The following SPON2 variants were observed in gnomAD, a reference collection of about 807,000 sequenced individuals.
SPON2 encodes spondin 2, also known as spondin-2.
SPON2 carries 32 observed loss-of-function variants against 29.9 expected under a neutral mutation model. That is an observed-to-expected ratio of 1.07 (90% confidence interval 0.81 to 1.44). The LOEUF is 1.44. SPON2 is among the 40% of genes most tolerant of loss of function. The pLI, the probability that SPON2 is intolerant of heterozygous loss-of-function variation, is 0.00. For missense variants in SPON2, 541 were observed against 455.5 expected (o/e 1.19, Z -1.71); for synonymous variants, 248 against 209.1 (o/e 1.19, Z -1.61).
intron 1 of SPON2, among the ~76,000 whole-genome samples, chr4:1,206,176 C>A (rs1728336766): frequency 6.6e-6 from 1 of 152,162 alleles, no homozygotes; most frequent in Admixed American, 6.5e-5. Context: ...CAGGAGGATG[C>A]CCCCCTCCCT....
intron 1 of SPON2, among the ~76,000 whole-genome samples, chr4:1,185,992 C>G (rs941124666): frequency 9.9e-5 from 15 of 151,634 alleles, no homozygotes; most frequent in Admixed American, 6.6e-5. Flanking sequence ...CGCCTGTAAT[C>G]CCAGCACTTT....
chr4:1,168,375 G>A (rs1244775722), intron 5 of SPON2, among the ~76,000 whole-genome samples: 1 of 152,212 alleles, frequency 6.6e-6, no homozygotes, highest in Non-Finnish European at 1.5e-5. Flanking sequence ...CAAGGGCTCG[G>A]CTCTCCTCAC....
intron 1 of SPON2, among the ~76,000 whole-genome samples, chr4:1,184,322 T>G (rs1255063596): frequency 2.0e-5 from 3 of 152,222 alleles, no homozygotes; most frequent in Non-Finnish European, 4.4e-5. Flanking sequence ...AGACAGAGAT[T>G]GGCAGAATGA....
intron 1 of SPON2, among the ~76,000 whole-genome samples, chr4:1,184,365 A>G (rs1727753570): frequency 6.6e-6 from 1 of 152,218 alleles, no homozygotes; most frequent in African/African-American, 2.4e-5. Context: ...AATGCTGTCT[A>G]CAAAAATCTT....
rs1727290634 is a variant in SPON2, at chr4:1,167,671, GGGGA to G, written c.812-19_812-16del. 6.4e-7 allele frequency: 1 copy of G among 1,571,318 alleles called. No homozygotes were observed. The highest frequency in any genetic ancestry group is 1.4e-5 in the African/African-American group (1 of 73,762). On this transcript the variant is annotated splice_polypyrimidine_tract_variant and intron_variant, in intron 5 of 5. Transcript: ENST00000290902. The stretch of plus-strand genomic sequence containing the variant: ...CGTTTCTGGAACTGGACCAAGCAAA[GGGGA>G]GACCGAGGTGAACGCTCGCGTGAAG...
chr4:1,189,510 G>A (rs180865267), intron 1 of SPON2, among the ~76,000 whole-genome samples: 65 of 151,634 alleles, frequency 4.3e-4, no homozygotes, highest in African/African-American at 1.3e-3. Flanking sequence ...AAAAATAGCT[G>A]GGTGTGGTGG....
At chr4:1,173,224 G>T (rs1018392732), upstream of SPON2, 5 of 152,624 alleles carry the variant, frequency 3.3e-5, no homozygotes, top group African/African-American at 1.2e-4. Context: ...TGGCCTTTGG[G>T]GCCCTGGCTT....
At chr4:1,175,636 G>C (rs1169683156), upstream of SPON2, among the ~76,000 whole-genome samples, 11 of 151,676 alleles carry the variant, frequency 7.3e-5, no homozygotes, top group Non-Finnish European at 2.9e-5. Flanking sequence ...CTCCAGCTAG[G>C]ATGTGGGTGG....
chr4:1,195,750 C>T (rs984457583), upstream of SPON2, among the ~76,000 whole-genome samples: 1 of 151,610 alleles, frequency 6.6e-6, no homozygotes. Context: ...GATGCCCACA[C>T]CTCAGCCTCC....
chr4:1,176,582 A>G (rs1367425366), upstream of SPON2, among the ~76,000 whole-genome samples: 2 of 112,552 alleles, frequency 1.8e-5, no homozygotes, highest in East Asian at 3.9e-4. Context: ...GCATCCATTC[A>G]CACAGTACAT....
Position 1,167,662 on chromosome 4 carries a change from C to G in SPON2, c.812-6G>C. The G allele has an allele frequency of 5.6e-6, 9 of 1,594,696 alleles. No individual in the cohort carries two copies. The highest frequency in any genetic ancestry group is 6.8e-6 in the Non-Finnish European group (8 of 1,168,786). On this transcript the variant is annotated splice_polypyrimidine_tract_variant and splice_region_variant and intron_variant, in intron 5 of 5. Coordinates refer to ENST00000290902, the MANE Select transcript of SPON2 (RefSeq NM_012445.4). ...GTCCAGCGGCGTTTCTGGAACTGGA[C>G]CAAGCAAAGGGGAGACCGAGGTGAA...
chr4:1,167,553 G>T lies in SPON2; in HGVS notation c.915C>A (p.Val305=). Reference sequence around the variant, plus strand: ...TCCCGTTGTTGGCGGGCTGGACCCGGACGTAGCGAGTCCTGCTCTTGGTCC... The same window carrying T: ...TCCCGTTGTTGGCGGGCTGGACCCGTACGTAGCGAGTCCTGCTCTTGGTCC... The part of the protein sequence containing the change: ...RLGTKSRTRY[V]RVQPANNGSP... Residue 305 remains valine, a synonymous_variant, in exon 6 of 6, where the codon GTC becomes GTA. Coordinates refer to ENST00000290902, the MANE Select transcript of SPON2 (RefSeq NM_012445.4). 6.2e-7 allele frequency: 1 copy of T among 1,613,630 alleles called. No homozygotes were observed. The highest frequency in any genetic ancestry group is 8.5e-7 in the Non-Finnish European group (1 of 1,180,004).
chr4:1,183,201 C>G (rs1727730183), intron 1 of SPON2, among the ~76,000 whole-genome samples: 1 of 141,602 alleles, frequency 7.1e-6, no homozygotes, highest in Non-Finnish European at 1.5e-5. Context: ...GAGATCGCAC[C>G]ACTGCACTCC....
At chr4:1,183,209 T>C (rs1224767771) in intron 1 of SPON2, among the ~76,000 whole-genome samples, 1 of 132,722 alleles carries the variant, frequency 7.5e-6, no homozygotes, top group Non-Finnish European at 1.5e-5. Flanking sequence ...ACCACTGCAC[T>C]CCAACCTGGG....
chr4:1,195,789 A>G (rs1383940954), upstream of SPON2, among the ~76,000 whole-genome samples: 2 of 150,424 alleles, frequency 1.3e-5, no homozygotes, highest in Non-Finnish European at 3.0e-5. Context: ...GGTGTGCACT[A>G]CCACACCCAG....
At chr4:1,183,240 C>CAAAA (rs71168813) in intron 1 of SPON2, among the ~76,000 whole-genome samples, 12 of 129,104 alleles carry the variant, frequency 9.3e-5, no homozygotes, top group Non-Finnish European at 1.8e-4. Flanking sequence ...GAAACTCCAT[C>CAAAA]AAAAAAAAAA....
chr4:1,188,223 A>AAAG (rs1727842388), intron 1 of SPON2, among the ~76,000 whole-genome samples: 2 of 143,660 alleles, frequency 1.4e-5, no homozygotes, highest in Admixed American at 7.2e-5. Flanking sequence ...AAAAAAAAAA[A>AAAG]AAAGAAATGA....
chr4:1,191,075 T>C (rs947156316), intron 1 of SPON2, among the ~76,000 whole-genome samples: 1 of 151,648 alleles, frequency 6.6e-6, no homozygotes, highest in African/African-American at 2.4e-5. Flanking sequence ...CTAACTGCTT[T>C]TTTTTTCTTT....
upstream of SPON2, among the ~76,000 whole-genome samples, chr4:1,176,422 CCATT>C (rs1293300994): frequency 2.6e-5 from 4 of 152,106 alleles, no homozygotes; most frequent in Non-Finnish European, 4.4e-5. Flanking sequence ...ATTCATCCAC[CCATT>C]CAAATAGTAC....
Sources: gnomAD v4.1 joint callset for allele counts (sites outside exome capture counted in the v4.1 genomes callset) on GRCh38, gnomAD v4.1.1 for gene constraint, MANE v1.5 for transcripts, NCBI Gene and HGNC (gene_info 2026-07-23, HGNC 2026-07-21) for gene names.